Variants in CFAP46 observed in about 807,000 individuals in gnomAD.
CFAP46 encodes cilia- and flagella-associated protein 46.
CFAP46 carries 245 observed loss-of-function variants against 325.7 expected under a neutral mutation model. The observed-to-expected ratio is 0.75, with a 90% CI of 0.68 to 0.84. The LOEUF (loss-of-function observed/expected upper bound fraction) is 0.84. Ranked by LOEUF, CFAP46 falls within the 40% of genes least tolerant of loss-of-function variation. CFAP46 has a pLI of 0.00. For missense variants in CFAP46, 3,346 were observed against 3,543.0 expected, an observed-to-expected ratio of 0.94 and a Z score of 1.41; for synonymous variants, 1,523 against 1,495.9, an observed-to-expected ratio of 1.02 and a Z score of -0.42.
chr10:132,838,520 T>C (rs1229731368), intron 44 of CFAP46, among the ~76,000 whole-genome samples: 2 of 152,270 alleles, frequency 1.3e-5, no homozygotes, highest in Non-Finnish European at 2.9e-5. Context: ...GGTGGGCTTT[T>C]CTGCCGGGCC....
At chr10:132,835,159 C>T in intron 47 of CFAP46, 145 bp downstream of exon 47, 1 of 1,122,046 alleles carries the variant, frequency 8.9e-7, no homozygotes, top group Middle Eastern at 3.0e-4. Context: ...GGGAGTTGGG[C>T]AGTGCCCGGG....
intron 44 of CFAP46, 100 bp from the exon 45 acceptor site, chr10:132,837,014 G>A: frequency 6.4e-6 from 6 of 939,974 alleles, no homozygotes; most frequent in Non-Finnish European, 1.0e-5. Context: ...CAGAGCCACG[G>A]CGGGGGCTTT....
chr10:132,821,219 C>CTG (rs1225803491), intron 50 of CFAP46, among the ~76,000 whole-genome samples: 1 of 107,382 alleles, frequency 9.3e-6, no homozygotes, highest in Non-Finnish European at 1.8e-5. Context: ...GTGCTGTGTG[C>CTG]TGTGTGTGTG....
chr10:132,898,730 C>T (rs1393105906), intron 24 of CFAP46: 2 of 652,290 alleles, frequency 3.1e-6, no homozygotes, highest in East Asian at 2.8e-5. Flanking sequence ...CCCCTCGGTG[C>T]ATGTGTGTTG....
In CFAP46 at chr10:132,860,821, C is replaced by T. The variant is rs967550280; in HGVS notation, c.5052G>A (p.Glu1684=). 4.5e-6 allele frequency: 7 copies of T among 1,551,154 alleles called. No individual in the cohort carries two copies. The highest frequency in any genetic ancestry group is 3.6e-5 in the South Asian group (3 of 84,064). Residue 1684 remains glutamate, a synonymous_variant, in exon 36 of 58, where the codon GAG becomes GAA. Coordinates refer to ENST00000368586, the MANE Select transcript of CFAP46 (RefSeq NM_001200049.3). The stretch of plus-strand genomic sequence containing the variant: ...CTGAGTGTTCCATGGACAAGAGCGC[C>T]TCTGCCAGGGTCAGAGTGGAATTGT... The part of the protein sequence containing the change: ...FWYNSTLTLA[E]ALLSMEHSGR...
At chr10:132,859,016 G>A in intron 38 of CFAP46, 55 bp downstream of exon 38, 2 of 1,510,202 alleles carry the variant, frequency 1.3e-6, no homozygotes, top group Non-Finnish European at 1.8e-6. Flanking sequence ...CGCTGGGCGT[G>A]TTGTGTGTAA....
At chr10:132,904,673 C>G (rs1465906933) in intron 22 of CFAP46, among the ~76,000 whole-genome samples, 1 of 152,242 alleles carries the variant, frequency 6.6e-6, no homozygotes, top group Non-Finnish European at 1.5e-5. Flanking sequence ...GTAATTGTAA[C>G]TCAGTTATGA....
chr10:132,882,054 T>A (rs776916898), intron 27 of CFAP46, among the ~76,000 whole-genome samples: 99 of 119,404 alleles, frequency 8.3e-4, no homozygotes, highest in Middle Eastern at 5.0e-3. Flanking sequence ...GTGGGGGGTG[T>A]GTGGTGCGTG....
intron 43 of CFAP46, 48 bp downstream of exon 43, chr10:132,846,884 C>T (rs1474224121): frequency 6.4e-7 from 1 of 1,563,338 alleles, no homozygotes. Context: ...CAGGGTCCTC[C>T]CTCCTCCATG....
Position 132,918,379 on chromosome 10 carries a change from T to A in CFAP46, c.1986+14A>T. On this transcript the variant is annotated intron_variant, in intron 16 of 57. Coordinates refer to ENST00000368586, the MANE Select transcript of CFAP46 (RefSeq NM_001200049.3). ...GCACCTCAGCACCGATGAACCCCCC[T>A]CTCCATGACGCACCTCAGCATGGAT... 1 of 1,508,294 alleles carries A rather than the reference T, an allele frequency of 6.6e-7. No individual in the cohort carries two copies. 93.4% of individuals were successfully genotyped at this position (1,508,294 alleles called of 1,614,324 possible).
Position 132,832,253 on chromosome 10 carries a change from G to A in CFAP46, c.7117+1105C>T, listed in dbSNP as rs1424408603. Among the ~76,000 whole-genome samples, 1 of 151,930 alleles carries A rather than the reference G, an allele frequency of 6.6e-6. No homozygotes were observed. Among genetic ancestry groups the A allele is most frequent in the Non-Finnish European group, 1.5e-5 (1 of 67,990 alleles). On this transcript the variant is annotated intron_variant, in intron 50 of 57. Coordinates refer to ENST00000368586, the MANE Select transcript of CFAP46 (RefSeq NM_001200049.3). The surrounding 1 kb of genome is among the most constrained non-coding windows in gnomAD (Gnocchi z 4.1). ...AGGTGGTGGCTGTCTTCCTGCTGAG[G>A]GCTCTGCAGATCTCGGAGTGGCCGT... is the stretch of plus-strand genomic sequence containing the variant.
rs1025350520 is a variant in CFAP46 at position 132,846,996 on chromosome 10, T to C, written c.6203A>G (p.Glu2068Gly). Residue 2068 changes from glutamate (E) to glycine (G), a missense_variant, in exon 43 of 58, where the codon GAG (glutamate) becomes GGG (glycine). Physicochemically the swap from Glu to Gly is moderately conservative, Grantham distance 98. Transcript: ENST00000368586. ...CAGGGTGCCGACACACTCCACCATCTCCAGGCTGGCGGCTGCTGCGACATC... is the reference window on the plus strand; with the variant it reads ...CAGGGTGCCGACACACTCCACCATCCCCAGGCTGGCGGCTGCTGCGACATC... ...LLDVAAAASL[E>G]MVECVGTLDP... 3 of 1,610,808 alleles carry C rather than the reference T, an allele frequency of 1.9e-6. No individual in the cohort carries two copies. Among genetic ancestry groups the C allele is most frequent in the Non-Finnish European group, 2.5e-6 (3 of 1,179,710 alleles).
chr10:132,809,098 C>A (rs548063643), intron 57 of CFAP46, among the ~76,000 whole-genome samples, 194 bp from the exon 58 acceptor site: 1 of 152,120 alleles, frequency 6.6e-6, no homozygotes, highest in South Asian at 2.1e-4. Flanking sequence ...TCCAGGCCCG[C>A]GCAGCCGGGT....
chr10:132,896,998 A>G (rs1257588084), intron 24 of CFAP46, among the ~76,000 whole-genome samples: 1 of 152,228 alleles, frequency 6.6e-6, no homozygotes, highest in Non-Finnish European at 1.5e-5. Flanking sequence ...CAGTGCCAAG[A>G]CCATTCACTA....
In CFAP46 at chr10:132,925,129, C is replaced by T. The variant is rs538803448; in HGVS notation, c.1066-243G>A. 2.0e-5 allele frequency among the ~76,000 whole-genome samples: 3 copies of T among 151,192 alleles called. No individual in the cohort carries two copies. The South Asian group carries it at 6.3e-4, about 32-fold the overall frequency. On this transcript the variant is annotated intron_variant, in intron 10 of 57. Transcript: ENST00000368586. ...CCACACATCGTGGCTGCGCCCGCCT[C>T]CCCCGTGTGGACTCAGCGGGCGCTG...
intron 57 of CFAP46, 123 bp downstream of exon 57, chr10:132,810,286 C>T (rs1217126371): frequency 4.8e-6 from 4 of 830,122 alleles, no homozygotes; most frequent in Middle Eastern, 2.6e-4. Flanking sequence ...CGTCTGGAGT[C>T]CCAGGTCCCC....
At chr10:132,853,856 A>C (rs1279183094) in intron 39 of CFAP46, among the ~76,000 whole-genome samples, 1 of 152,180 alleles carries the variant, frequency 6.6e-6, no homozygotes, top group Non-Finnish European at 1.5e-5. Flanking sequence ...TCCATGGAGA[A>C]ATTGTGTCTC....
intron 27 of CFAP46, 115 bp from the exon 28 acceptor site, chr10:132,881,147 A>C (rs1258994805): frequency 9.7e-6 from 10 of 1,030,982 alleles, no homozygotes; most frequent in Non-Finnish European, 1.3e-5. Context: ...TCTTACCCCC[A>C]CAGTGATCAT....
At position 132,936,884 on chromosome 10, in the gene CFAP46, C is replaced by G. The variant is rs1850016274; in HGVS notation, c.755+77G>C. 6.2e-6 allele frequency: 5 copies of G among 810,726 alleles called. No individual in the cohort carries two copies. In the East Asian group the frequency reaches 8.4e-5, roughly 14 times the overall value. The allele number at this position is 810,726 out of a possible 1,614,324, so 50.2% of individuals were successfully genotyped here. On this transcript the variant is annotated intron_variant, in intron 7 of 57. Coordinates refer to ENST00000368586, the MANE Select transcript of CFAP46 (RefSeq NM_001200049.3). The stretch of plus-strand genomic sequence containing the variant: ...AGGCCCCTGGACACAGGACCTCCCC[C>G]CATGGAGGGGACAGAGCTCTCCCAA...
Sources: gnomAD v4.1 joint callset for allele counts (sites outside exome capture counted in the v4.1 genomes callset) on GRCh38, gnomAD v4.1.1 for gene constraint, Gnocchi (gnomAD v3.1) non-coding constraint, MANE v1.5 for transcripts, NCBI Gene and HGNC (gene_info 2026-07-23, HGNC 2026-07-21) for gene names.